Variants in ARHGAP32 observed in about 807,000 individuals in gnomAD.
The protein encoded by ARHGAP32 is rho GTPase-activating protein 32.
In ARHGAP32, 51 loss-of-function variants were observed where a neutral mutation model predicts 186.5. That is an observed-to-expected ratio of 0.27 (90% CI 0.22 to 0.35). The LOEUF (loss-of-function observed/expected upper bound fraction) is 0.35, where lower values mean the gene tolerates loss of function less well. ARHGAP32 is among the 10% of genes least tolerant of loss of function. The pLI, the probability that ARHGAP32 is intolerant of heterozygous loss-of-function variation, is 1.00. For missense variants in ARHGAP32, 2,186 were observed against 2,623.5 expected, an observed-to-expected ratio of 0.83 and a Z score of 3.64; for synonymous variants, 950 against 964.3, an observed-to-expected ratio of 0.99 and a Z score of 0.27.
At chr11:129,096,294 G>A (rs893694077) in intron 5 of ARHGAP32, among the ~76,000 whole-genome samples, 2 of 152,076 alleles carry the variant, frequency 1.3e-5, no homozygotes, top group African/African-American at 2.4e-5. Context: ...CAAACAACAC[G>A]CAAAAGCACA....
chr11:128,995,738 C>T (rs943245404), intron 12 of ARHGAP32, among the ~76,000 whole-genome samples: 1 of 152,190 alleles, frequency 6.6e-6, no homozygotes, highest in Non-Finnish European at 1.5e-5. Flanking sequence ...ATTCAGGAAG[C>T]TGAGGCAGGA....
intron 1 of ARHGAP32, among the ~76,000 whole-genome samples, chr11:129,224,833 C>T (rs1042881008): frequency 6.7e-6 from 1 of 150,152 alleles, no homozygotes; most frequent in Non-Finnish European, 1.5e-5. Context: ...TTTAGAGGGC[C>T]AGGTGGGGTG....
chr11:129,144,078 T>C (rs975466994), intron 2 of ARHGAP32, among the ~76,000 whole-genome samples: 2 of 152,320 alleles, frequency 1.3e-5, no homozygotes, highest in East Asian at 1.9e-4. Context: ...AAAATAAGTA[T>C]GTCACAAGGA....
intron 1 of ARHGAP32, among the ~76,000 whole-genome samples, chr11:129,252,885 G>A (rs886972169): frequency 6.6e-6 from 1 of 152,118 alleles, no homozygotes; most frequent in South Asian, 2.1e-4. Context: ...ACTCACTAGG[G>A]AATCCCCACC....
At position 129,091,596 on chromosome 11, in the gene ARHGAP32, A is replaced by C. The variant is rs553856658; in HGVS notation, c.531+2025T>G. On this transcript the variant is annotated intron_variant, in intron 6 of 22. Transcript: ENST00000682385. ...AAAAGAACATCAAGTGATATTATTA[A>C]AAAGTAGAAACTGACAGAGATATAA... Among the ~76,000 whole-genome samples, 58 of 152,264 alleles carry C rather than the reference A, an allele frequency of 3.8e-4. 1 individual carries two copies. Among genetic ancestry groups the C allele is most frequent in the Admixed American group, 1.5e-3 (23 of 15,292 alleles).
intron 6 of ARHGAP32, among the ~76,000 whole-genome samples, chr11:129,082,095 A>C (rs1667300937): frequency 6.6e-6 from 1 of 152,172 alleles, no homozygotes; most frequent in Non-Finnish European, 1.5e-5. Context: ...AACACTGCCG[A>C]AAGAAATCAT....
chr11:129,185,676 G>A (rs1317085083), intron 1 of ARHGAP32, among the ~76,000 whole-genome samples: 1 of 151,986 alleles, frequency 6.6e-6, no homozygotes, highest in African/African-American at 2.4e-5. Flanking sequence ...AGGCAGAATG[G>A]GTGAATAAAA....
intron 1 of ARHGAP32, among the ~76,000 whole-genome samples, chr11:129,245,558 C>T (rs1244526683): frequency 8.7e-5 from 13 of 149,742 alleles, no homozygotes; most frequent in African/African-American, 3.2e-4. Flanking sequence ...ATGTAACTAA[C>T]CTGCACAATG....
chr11:129,104,043 T>C (rs953143572), intron 5 of ARHGAP32, among the ~76,000 whole-genome samples: 3 of 152,042 alleles, frequency 2.0e-5, no homozygotes, highest in Non-Finnish European at 4.4e-5. Flanking sequence ...ATCTTTTAAG[T>C]TCTGAGAAAA....
At chr11:129,012,097 T>A (rs1258286767) in intron 11 of ARHGAP32, among the ~76,000 whole-genome samples, 1 of 152,182 alleles carries the variant, frequency 6.6e-6, no homozygotes, top group African/African-American at 2.4e-5. Context: ...TCTTTCTACA[T>A]GTTCAAAACT....
At chr11:129,279,232 G>A (rs1352711478) in exon 1 of ARHGAP32, 2 of 24,974 alleles carry the variant, frequency 8.0e-5, no homozygotes, top group African/African-American at 4.7e-4. Context: ...CGGGCCCGAC[G>A]CCCTCCGCCC....
chr11:129,235,442 T>A (rs375552351), intron 1 of ARHGAP32, among the ~76,000 whole-genome samples: 22 of 152,284 alleles, frequency 1.4e-4, no homozygotes, highest in Non-Finnish European at 2.2e-4. Context: ...AAAATTGTCA[T>A]CATCTGTAGC....
intron 15 of ARHGAP32, among the ~76,000 whole-genome samples, chr11:128,983,075 T>G (rs527805329): frequency 6.6e-6 from 1 of 152,176 alleles, no homozygotes; most frequent in Non-Finnish European, 1.5e-5. Flanking sequence ...TTAGGCATTG[T>G]TCAAGAGGCT....
intron 1 of ARHGAP32, among the ~76,000 whole-genome samples, chr11:129,174,446 C>G (rs915392767): frequency 6.6e-6 from 1 of 152,198 alleles, no homozygotes; most frequent in Non-Finnish European, 1.5e-5. Flanking sequence ...CACCACAGCT[C>G]AAGGAGGCCT....
At chr11:129,180,422 C>G (rs1565458942) in intron 1 of ARHGAP32, among the ~76,000 whole-genome samples, 1 of 152,000 alleles carries the variant, frequency 6.6e-6, no homozygotes, top group African/African-American at 2.4e-5. Flanking sequence ...TTGTGATTAT[C>G]TGGGTATATA....
intron 11 of ARHGAP32, among the ~76,000 whole-genome samples, chr11:129,040,000 T>C (rs1939525865): frequency 6.6e-6 from 1 of 152,176 alleles, no homozygotes. Flanking sequence ...TTCCCTAGTC[T>C]CCTGTGAAGA....
intron 11 of ARHGAP32, among the ~76,000 whole-genome samples, chr11:129,016,924 C>A (rs953242696): frequency 1.3e-5 from 2 of 152,044 alleles, no homozygotes; most frequent in African/African-American, 2.4e-5. Context: ...AAAAGTCTTA[C>A]GAACTTTTGT....
intron 1 of ARHGAP32, among the ~76,000 whole-genome samples, chr11:129,203,824 G>C (rs1410824038): frequency 6.7e-6 from 1 of 149,968 alleles, no homozygotes; most frequent in Non-Finnish European, 1.5e-5. Context: ...CTTGAGCCCA[G>C]GAGTTCTAGG....
intron 5 of ARHGAP32, among the ~76,000 whole-genome samples, chr11:129,111,080 AT>A (rs1168010212): frequency 6.6e-6 from 1 of 152,052 alleles, no homozygotes; most frequent in African/African-American, 2.4e-5. Flanking sequence ...TATGACCTTT[AT>A]TATGTTGAAG....
Sources: gnomAD v4.1 joint callset for allele counts (sites outside exome capture counted in the v4.1 genomes callset) on GRCh38, gnomAD v4.1.1 for gene constraint, MANE v1.5 for transcripts, NCBI Gene and HGNC (gene_info 2026-07-23, HGNC 2026-07-21) for gene names.